The following ELOVL5 variants were observed in gnomAD, a reference collection of about 807,000 sequenced individuals.
ELOVL5 encodes the protein very long chain fatty acid elongase 5.
ELOVL5 carries 8 observed loss-of-function variants against 38.6 expected under a neutral mutation model. The observed-to-expected ratio is 0.21, with a 90% CI of 0.12 to 0.37. The LOEUF (loss-of-function observed/expected upper bound fraction) is 0.37. ELOVL5 is among the 10% of genes least tolerant of loss of function. ELOVL5 has a pLI of 1.00. For missense variants in ELOVL5, 280 were observed against 367.8 expected (o/e 0.76, Z 1.95); for synonymous variants, 127 against 133.7 (o/e 0.95, Z 0.34).
Position 53,313,763 on chromosome 6 carries a change from T to C in ELOVL5, c.-8-18056A>G, listed in dbSNP as rs115802335. Among the ~76,000 whole-genome samples, 405 of 152,346 alleles carry C rather than the reference T, an allele frequency of 2.7e-3. 2 individuals carry two copies. The highest frequency in any genetic ancestry group is 8.8e-3 in the African/African-American group (365 of 41,566). On this transcript the variant is annotated intron_variant, in intron 1 of 7. Transcript: ENST00000304434. ...AACAAAAAAACTGTGCTTTCTTCCA[T>C]CTTTTGGATCATTTTCTTATCAATG...
At chr6:53,305,872 T>C (rs1051770773) in intron 1 of ELOVL5, among the ~76,000 whole-genome samples, 3 of 151,916 alleles carry the variant, frequency 2.0e-5, no homozygotes, top group East Asian at 2.0e-4. Flanking sequence ...GTGGAGGTTG[T>C]AGCGAGCCGA....
At chr6:53,303,324 T>C (rs894585672) in intron 1 of ELOVL5, among the ~76,000 whole-genome samples, 2 of 152,210 alleles carry the variant, frequency 1.3e-5, no homozygotes, top group African/African-American at 4.8e-5. Flanking sequence ...TTTAAATAAA[T>C]GATAACTCTG....
chr6:53,275,032 G>A, intron 5 of ELOVL5, 58 bp downstream of exon 5: 1 of 1,536,466 alleles, frequency 6.5e-7, no homozygotes, highest in Non-Finnish European at 8.9e-7. Context: ...GAAAGCCTTA[G>A]TTTCAACTCT....
intron 1 of ELOVL5, among the ~76,000 whole-genome samples, chr6:53,345,333 T>C (rs1336272372): frequency 6.6e-6 from 1 of 152,146 alleles, no homozygotes; most frequent in East Asian, 1.9e-4. Context: ...TCAGTTGGGT[T>C]TTCTGTTTCT....
Position 53,307,046 on chromosome 6 carries a change from A to G in ELOVL5, c.-8-11339T>C, listed in dbSNP as rs145979730. Reference sequence around the variant, plus strand: ...GACTGGTTTTATTTCTGTGTGTCCAATGATTCTCAGAATGACTGCTTTTCA... The same window carrying G: ...GACTGGTTTTATTTCTGTGTGTCCAGTGATTCTCAGAATGACTGCTTTTCA... On this transcript the variant is annotated intron_variant, in intron 1 of 7. Transcript: ENST00000304434. 2.0e-4 allele frequency among the ~76,000 whole-genome samples: 31 copies of G among 152,352 alleles called. 1 individual carries two copies. In the South Asian group the frequency reaches 4.6e-3, roughly 22 times the overall value.
chr6:53,288,807 T>C (rs1766666098), intron 3 of ELOVL5, among the ~76,000 whole-genome samples: 1 of 152,218 alleles, frequency 6.6e-6, no homozygotes. Flanking sequence ...GGCTCATGTC[T>C]GTAATCTCAG....
intron 7 of ELOVL5, 96 bp from the exon 8 acceptor site, chr6:53,269,366 C>CCTCTT (rs70980834): frequency 1.0e-6 from 1 of 959,760 alleles, no homozygotes; most frequent in Non-Finnish European, 1.5e-6. Flanking sequence ...GGCCTAGTTT[C>CCTCTT]AAGATCAAAT....
intron 1 of ELOVL5, among the ~76,000 whole-genome samples, chr6:53,327,925 TCC>T (rs1276085181): frequency 6.6e-6 from 1 of 152,112 alleles, no homozygotes; most frequent in East Asian, 1.9e-4. Flanking sequence ...AACTTTATTT[TCC>T]CCTCAAATCT....
rs201201511 is a variant in ELOVL5, at chr6:53,284,193, CT to C, written c.246+7582del. Among the ~76,000 whole-genome samples the C allele has an allele frequency of 3.5e-4, 54 of 152,228 alleles. 1 individual carries two copies. The East Asian group carries it at 0.01, about 29-fold the overall frequency. Reference sequence around the variant, plus strand: ...CAGTGGCATGCTCCTGCAGTCCCAGCTGCCTGGGAGGCTGAGGCAGGAAGAT... The same window carrying C: ...CAGTGGCATGCTCCTGCAGTCCCAGCGCCTGGGAGGCTGAGGCAGGAAGAT... On this transcript the variant is annotated intron_variant, in intron 3 of 7. Transcript: ENST00000304434.
At chr6:53,294,304 A>G (rs1766898376) in intron 2 of ELOVL5, 1 of 1,570,292 alleles carries the variant, frequency 6.4e-7, no homozygotes, top group East Asian at 2.3e-5. Flanking sequence ...CATGTGAAGC[A>G]ATTGTGGCCA....
At chr6:53,294,306 T>C (rs771938739) in intron 2 of ELOVL5, 15 of 1,570,698 alleles carry the variant, frequency 9.5e-6, no homozygotes, top group Non-Finnish European at 1.3e-5. Flanking sequence ...TGTGAAGCAA[T>C]TGTGGCCAGT....
chr6:53,321,599 T>A (rs933002941), intron 1 of ELOVL5, among the ~76,000 whole-genome samples: 1 of 152,210 alleles, frequency 6.6e-6, no homozygotes, highest in Non-Finnish European at 1.5e-5. Flanking sequence ...AACATTTTTA[T>A]GTATTAATGT....
chr6:53,273,840 TTAA>T (rs1037286004), intron 5 of ELOVL5, among the ~76,000 whole-genome samples: 4 of 152,228 alleles, frequency 2.6e-5, no homozygotes, highest in African/African-American at 9.6e-5. Context: ...TACATTTTTA[TTAA>T]TAATAGAGTC....
intron 2 of ELOVL5, chr6:53,294,387 G>T: frequency 6.4e-7 from 1 of 1,558,514 alleles, no homozygotes; most frequent in Non-Finnish European, 8.7e-7. Context: ...CCACACAAAT[G>T]AAACATTTTT....
At chr6:53,270,820 C>T (rs1765892028) in intron 6 of ELOVL5, 93 bp from the exon 7 acceptor site, 1 of 1,464,308 alleles carries the variant, frequency 6.8e-7, no homozygotes, top group Non-Finnish European at 9.4e-7. Context: ...ACCTAAATTT[C>T]TGAATTAACA....
intron 2 of ELOVL5, chr6:53,294,454 A>T (rs930486739): frequency 2.6e-6 from 4 of 1,550,424 alleles, no homozygotes; most frequent in Non-Finnish European, 3.5e-6. Context: ...CAACTGTGTG[A>T]AGTGGGGGAC....
chr6:53,294,050 T>C (rs1452046782), intron 2 of ELOVL5: 2 of 1,259,196 alleles, frequency 1.6e-6, no homozygotes, highest in Non-Finnish European at 2.0e-6. Flanking sequence ...TGTATGAACA[T>C]ATATATCACA....
At position 53,269,198 on chromosome 6, in the gene ELOVL5, C is replaced by T. The variant is rs745654655; in HGVS notation, c.829G>A (p.Val277Met). The change falls in exon 8 of 8, where the codon GTG becomes ATG. Residue 277 changes from valine (V) to methionine (M), a missense_variant. Coordinates refer to ENST00000304434, the MANE Select transcript of ELOVL5 (RefSeq NM_021814.5). ...GAAAAGCTGTTGGTGTGTCCATTCA[C>T]AGCAGCCATGGACCCATTCTGGTGG... is the stretch of plus-strand genomic sequence containing the variant. ...KDHQNGSMAA[V>M]NGHTNSFSPL... 1 of 1,614,096 alleles carries T rather than the reference C, an allele frequency of 6.2e-7. No homozygotes were observed. The highest frequency in any genetic ancestry group is 1.7e-5 in the Admixed American group (1 of 60,028).
chr6:53,290,005 T>A (rs1248096937), intron 3 of ELOVL5: 1 of 152,230 alleles, frequency 6.6e-6, no homozygotes, highest in Non-Finnish European at 1.5e-5. Flanking sequence ...AGTTTCCCTA[T>A]TCTGTATATT....
Sources: allele counts gnomAD v4.1 joint callset (sites outside exome capture counted in the v4.1 genomes callset), GRCh38; gene constraint gnomAD v4.1.1; transcripts MANE v1.5; gene names NCBI Gene and HGNC (gene_info 2026-07-23, HGNC 2026-07-21).